FUT9: variants seen among roughly 807,000 people sequenced by gnomAD.
FUT9 encodes the protein 4-galactosyl-N-acetylglucosaminide 3-alpha-L-fucosyltransferase 9.
In FUT9, 15 loss-of-function variants were observed where a neutral mutation model predicts 29.7. That is an observed-to-expected ratio of 0.51 (90% CI 0.34 to 0.78). The LOEUF (loss-of-function observed/expected upper bound fraction) is 0.78, where lower values mean the gene tolerates loss of function less well. FUT9 is among the 30% of genes least tolerant of loss of function. The pLI, the probability that FUT9 is intolerant of heterozygous loss-of-function variation, is 0.01. For missense variants in FUT9, 319 were observed against 425.4 expected (o/e 0.75, Z 2.20); for synonymous variants, 169 against 153.7 (o/e 1.10, Z -0.74).
chr6:96,151,504 A>T lies in FUT9; in HGVS notation c.-9+37377A>T, dbSNP rs149228817. 3.3e-3 allele frequency among the ~76,000 whole-genome samples: 506 copies of T among 152,256 alleles called. 3 individuals are homozygous for T. The highest frequency in any genetic ancestry group is 0.012 in the African/African-American group (478 of 41,538). On this transcript the variant is annotated intron_variant, in intron 2 of 2. Transcript: ENST00000302103. ...TTTAAGGGACCAGCCTTCTTTAAAGATTTTATCAGGTAGAGACATCAGTTC... is the reference window on the plus strand; with the variant it reads ...TTTAAGGGACCAGCCTTCTTTAAAGTTTTTATCAGGTAGAGACATCAGTTC...
intron 2 of FUT9, among the ~76,000 whole-genome samples, chr6:96,143,830 C>A (rs1206528864): frequency 6.6e-6 from 1 of 152,122 alleles, no homozygotes; most frequent in African/African-American, 2.4e-5. Context: ...AGGAGGGAGT[C>A]ATATAACAGA....
At chr6:96,035,826 A>G (rs28704902) in intron 1 of FUT9, among the ~76,000 whole-genome samples, 1 of 133,598 alleles carries the variant, frequency 7.5e-6, no homozygotes, top group Non-Finnish European at 1.6e-5. Flanking sequence ...AATATATTAT[A>G]TGTATTATAT....
At chr6:96,054,404 A>G (rs1770726959) in intron 1 of FUT9, among the ~76,000 whole-genome samples, 1 of 152,328 alleles carries the variant, frequency 6.6e-6, no homozygotes, top group East Asian at 1.9e-4. Context: ...TATAGAATTC[A>G]TTTATTCACT....
chr6:96,125,456 A>G (rs1772116752), intron 2 of FUT9, among the ~76,000 whole-genome samples: 1 of 152,236 alleles, frequency 6.6e-6, no homozygotes, highest in African/African-American at 2.4e-5. Context: ...CATTATAATA[A>G]CAATAACTGT....
intron 2 of FUT9, among the ~76,000 whole-genome samples, chr6:96,183,994 T>C (rs1298109693): frequency 1.3e-5 from 2 of 152,084 alleles, no homozygotes; most frequent in Non-Finnish European, 2.9e-5. Flanking sequence ...TTCTCTATCT[T>C]GTGGAATAGT....
At chr6:96,092,883 C>G (rs999155170) in intron 1 of FUT9, among the ~76,000 whole-genome samples, 17 of 152,036 alleles carry the variant, frequency 1.1e-4, no homozygotes, top group African/African-American at 4.1e-4. Context: ...ACCTCAACCT[C>G]CTGAGTAGTT....
chr6:96,203,662 C>G lies in FUT9; in HGVS notation c.507C>G (p.Gly169=). The G allele has an allele frequency of 1.2e-6, 2 of 1,613,986 alleles. No individual in the cohort carries two copies. The highest frequency in any genetic ancestry group is 1.7e-6 in the Non-Finnish European group (2 of 1,179,972). Residue 169 remains glycine, a synonymous_variant, in exon 3 of 3, where the codon GGC becomes GGG. Transcript: ENST00000302103. ...RRDSDIQVPY[G]FLTVSTNPFV... is the part of the protein sequence containing the mutation. ...ATTCAGATATCCAAGTGCCTTATGG[C>G]TTCTTGACGGTAAGCACAAATCCCT...
chr6:96,135,566 ATTATGGATGC>A (rs1417281314), intron 2 of FUT9, among the ~76,000 whole-genome samples: 1 of 151,906 alleles, frequency 6.6e-6, no homozygotes, highest in East Asian at 1.9e-4. Flanking sequence ...ATATAATAAT[ATTATGGATGC>A]TAAGTATACT....
chr6:96,063,385 G>A (rs969239617), intron 1 of FUT9, among the ~76,000 whole-genome samples: 4 of 152,098 alleles, frequency 2.6e-5, no homozygotes, highest in Admixed American at 6.6e-5. Flanking sequence ...GGGAACAAGC[G>A]CATCACATGG....
intron 1 of FUT9, among the ~76,000 whole-genome samples, chr6:96,075,154 G>T (rs1771123334): frequency 6.6e-6 from 1 of 152,116 alleles, no homozygotes; most frequent in Non-Finnish European, 1.5e-5. Context: ...GTAGGTGTGT[G>T]TGTGTATTTC....
At chr6:96,202,776 C>G (rs1274347976) in intron 2 of FUT9, among the ~76,000 whole-genome samples, 1 of 152,078 alleles carries the variant, frequency 6.6e-6, no homozygotes, top group Non-Finnish European at 1.5e-5. Context: ...GAGATGTTCA[C>G]AAATCTGATG....
In FUT9 at chr6:96,038,080, G is replaced by A. The variant is rs186086494; in HGVS notation, c.-98+21868G>A. Among the ~76,000 whole-genome samples, 713 of 152,206 alleles carry A rather than the reference G, an allele frequency of 4.7e-3. 5 individuals are homozygous for A. Among genetic ancestry groups the A allele is most frequent in the African/African-American group, 0.017 (692 of 41,544 alleles). Reference sequence around the variant, plus strand: ...TTCGGAGCGTTGCCACAAGGTCAATGGCTCCTAAGTAAGATGTATAAGATG... The same window carrying A: ...TTCGGAGCGTTGCCACAAGGTCAATAGCTCCTAAGTAAGATGTATAAGATG... On this transcript the variant is annotated intron_variant, in intron 1 of 2. Coordinates refer to ENST00000302103, the MANE Select transcript of FUT9 (RefSeq NM_006581.4).
chr6:96,066,965 C>T (rs889203746), intron 1 of FUT9, among the ~76,000 whole-genome samples: 2 of 151,810 alleles, frequency 1.3e-5, no homozygotes, highest in African/African-American at 4.8e-5. Flanking sequence ...TACCTAAAAG[C>T]TTTATATTCT....
intron 1 of FUT9, among the ~76,000 whole-genome samples, chr6:96,071,366 G>T (rs1317240405): frequency 3.9e-5 from 6 of 152,152 alleles, no homozygotes; most frequent in African/African-American, 1.4e-4. Context: ...GTTCTGGGAG[G>T]TAGTTATTAT....
chr6:96,069,256 G>A (rs1460028481), intron 1 of FUT9, among the ~76,000 whole-genome samples: 3 of 151,916 alleles, frequency 2.0e-5, no homozygotes, highest in African/African-American at 7.3e-5. Flanking sequence ...TGGTGGCGGA[G>A]GTTGCAGTGA....
intron 1 of FUT9, among the ~76,000 whole-genome samples, chr6:96,067,923 A>T (rs1172472927): frequency 3.9e-5 from 6 of 152,148 alleles, no homozygotes; most frequent in Non-Finnish European, 8.8e-5. Flanking sequence ...GAGTTAGTAC[A>T]TGTAAAGCTC....
chr6:96,173,078 T>C (rs1424649555), intron 2 of FUT9, among the ~76,000 whole-genome samples: 2 of 152,098 alleles, frequency 1.3e-5, no homozygotes, highest in Non-Finnish European at 2.9e-5. Flanking sequence ...GAATAGTACA[T>C]GAGTAATTAC....
intron 1 of FUT9, among the ~76,000 whole-genome samples, chr6:96,112,705 C>CTG (rs1403521992): frequency 6.6e-6 from 1 of 152,132 alleles, no homozygotes; most frequent in East Asian, 1.9e-4. Context: ...GAACAAGATG[C>CTG]TTAACAAGTA....
chr6:96,150,132 A>C (rs1337047813), intron 2 of FUT9, among the ~76,000 whole-genome samples: 1 of 152,174 alleles, frequency 6.6e-6, no homozygotes, highest in Admixed American at 6.6e-5. Context: ...ATGTCCAAGA[A>C]TAGAATACAA....
Sources: gnomAD v4.1 joint callset for allele counts (sites outside exome capture counted in the v4.1 genomes callset) on GRCh38, gnomAD v4.1.1 for gene constraint, MANE v1.5 for transcripts, NCBI Gene and HGNC (gene_info 2026-07-23, HGNC 2026-07-21) for gene names.